Variants in CPLANE1 observed in about 807,000 individuals in gnomAD.
CPLANE1 encodes the protein ciliogenesis and planar polarity effector complex subunit 1.
CPLANE1 carries 263 observed loss-of-function variants against 362.5 expected under a neutral mutation model. The observed-to-expected ratio is 0.73, with a 90% confidence interval of 0.66 to 0.80. The LOEUF (loss-of-function observed/expected upper bound fraction) is 0.80, where lower values mean the gene tolerates loss of function less well. Ranked by LOEUF, CPLANE1 falls within the 30% of genes least tolerant of loss-of-function variation. The pLI, the probability that CPLANE1 is intolerant of heterozygous loss-of-function variation, is 0.00. For synonymous variants in CPLANE1, 1,212 were observed against 1,302.6 expected (o/e 0.93, Z 1.50); for missense variants, 3,461 against 3,793.4 (o/e 0.91, Z 2.30).
intron 8 of CPLANE1, among the ~76,000 whole-genome samples, chr5:37,232,510 C>G (rs1186360479): frequency 1.4e-5 from 2 of 143,764 alleles, no homozygotes; most frequent in African/African-American, 5.2e-5. Flanking sequence ...GAGCAAGACT[C>G]CATCTTGGGG....
chr5:37,114,509 A>G (rs1363897229), intron 51 of CPLANE1, among the ~76,000 whole-genome samples: 1 of 152,156 alleles, frequency 6.6e-6, no homozygotes, highest in Non-Finnish European at 1.5e-5. Context: ...CCATAAAGCT[A>G]CTCCAAAACT....
intron 4 of CPLANE1, among the ~76,000 whole-genome samples, chr5:37,244,862 A>G (rs1738975851): frequency 6.6e-6 from 1 of 152,078 alleles, no homozygotes; most frequent in South Asian, 2.1e-4. Context: ...TGATCATGCC[A>G]CTATACTTCA....
intron 46 of CPLANE1, among the ~76,000 whole-genome samples, chr5:37,133,011 A>G (rs777760567): frequency 1.4e-4 from 22 of 151,996 alleles, no homozygotes; most frequent in Non-Finnish European, 2.9e-5. Flanking sequence ...CTCTCTCACA[A>G]CCTTTATAGG....
intron 44 of CPLANE1, chr5:37,140,124 A>T: frequency 1.2e-5 from 11 of 886,874 alleles, no homozygotes; most frequent in Non-Finnish European, 1.5e-5. Flanking sequence ...AGAGAAAAAC[A>T]CTTAATCTAT....
intron 31 of CPLANE1, among the ~76,000 whole-genome samples, chr5:37,175,704 C>T (rs1780980313): frequency 6.6e-6 from 1 of 152,164 alleles, no homozygotes; most frequent in African/African-American, 2.4e-5. Context: ...CTTTAAAATA[C>T]AATCGCTAGT....
intron 50 of CPLANE1, 30 bp downstream of exon 50, chr5:37,120,186 G>A (rs200628002): frequency 2.1e-4 from 333 of 1,586,288 alleles, no homozygotes; most frequent in Admixed American, 3.9e-4. Flanking sequence ...GTCCAAATCA[G>A]ACAATTTATA....
chr5:37,170,339 A>G lies in CPLANE1; in HGVS notation c.6172-8T>C, dbSNP rs965319176. The stretch of plus-strand genomic sequence containing the variant: ...GAAGTTGATCTGTTGCAGCTTGAAT[A>G]AAACAAAAATTGAAGCGATATCTTA... On this transcript the variant is annotated splice_polypyrimidine_tract_variant and splice_region_variant and intron_variant, in intron 32 of 52. Coordinates refer to ENST00000651892, the MANE Select transcript of CPLANE1 (RefSeq NM_001384732.1). 5.6e-6 allele frequency: 9 copies of G among 1,597,962 alleles called. No individual in the cohort carries two copies. In the African/African-American group the frequency reaches 1.2e-4, roughly 22 times the overall value.
intron 49 of CPLANE1, among the ~76,000 whole-genome samples, chr5:37,120,702 C>T: frequency 6.6e-6 from 1 of 152,208 alleles, no homozygotes. Flanking sequence ...TCTCATACCT[C>T]AAACCTCATT....
At chr5:37,187,060 CAAAAAAAAA>C (rs61112118) in intron 23 of CPLANE1, among the ~76,000 whole-genome samples, 7 of 50,396 alleles carry the variant, frequency 1.4e-4, no homozygotes, top group African/African-American at 6.4e-4. Flanking sequence ...GACTCCGTCT[CAAAAAAAAA>C]AAAAAAAAAA....
At chr5:37,232,882 A>T (rs1157259775) in intron 8 of CPLANE1, among the ~76,000 whole-genome samples, 1 of 151,376 alleles carries the variant, frequency 6.6e-6, no homozygotes, top group Non-Finnish European at 1.5e-5. Context: ...TCAGCTCAAG[A>T]TAGCTGACTA....
chr5:37,205,014 G>A (rs761812537), intron 18 of CPLANE1, among the ~76,000 whole-genome samples: 3 of 152,254 alleles, frequency 2.0e-5, no homozygotes, highest in South Asian at 2.1e-4. Flanking sequence ...AAAATTAGCC[G>A]GACGTGGTGG....
chr5:37,237,795 A>G (rs1799351940), intron 8 of CPLANE1, among the ~76,000 whole-genome samples: 1 of 152,146 alleles, frequency 6.6e-6, no homozygotes, highest in East Asian at 1.9e-4. Flanking sequence ...GCTTGCAGTT[A>G]GCCGAGATCA....
chr5:37,081,674 T>A, the CPLANE1 span, among the ~76,000 whole-genome samples: 1 of 151,804 alleles, frequency 6.6e-6, no homozygotes, highest in African/African-American at 2.4e-5. Context: ...GAAAAAAAAG[T>A]TTTTTAAGAA....
chr5:37,211,379 T>C (rs1792552617), intron 16 of CPLANE1: 3 of 1,518,320 alleles, frequency 2.0e-6, no homozygotes, highest in Non-Finnish European at 2.6e-6. Flanking sequence ...GCCCACCATC[T>C]CTGCACTTGC....
chr5:37,139,522 CT>C, intron 44 of CPLANE1, 152 bp from the exon 45 acceptor site: 1 of 1,140,080 alleles, frequency 8.8e-7, no homozygotes, highest in East Asian at 3.9e-5. Flanking sequence ...CATATTTATC[CT>C]CTTCCTGAAT....
chr5:37,105,786 C>T (rs756011107), downstream of CPLANE1, among the ~76,000 whole-genome samples: 4 of 151,936 alleles, frequency 2.6e-5, no homozygotes, highest in Non-Finnish European at 2.9e-5. Flanking sequence ...GATTAATAAC[C>T]GCAATATATA....
At chr5:37,193,242 G>A (rs1468841358) in intron 21 of CPLANE1, among the ~76,000 whole-genome samples, 1 of 152,148 alleles carries the variant, frequency 6.6e-6, no homozygotes, top group Non-Finnish European at 1.5e-5. Context: ...TTGTACTTAT[G>A]ATGTACTCAG....
intron 8 of CPLANE1, among the ~76,000 whole-genome samples, chr5:37,237,747 G>A (rs925291788): frequency 2.6e-5 from 4 of 152,230 alleles, no homozygotes; most frequent in African/African-American, 9.6e-5. Context: ...CTACGCGGGA[G>A]GCTGAGGCAG....
chr5:37,208,390 C>T (rs1311185879), intron 16 of CPLANE1, among the ~76,000 whole-genome samples: 1 of 152,192 alleles, frequency 6.6e-6, no homozygotes, highest in Non-Finnish European at 1.5e-5. Flanking sequence ...AAGAGTTCGG[C>T]TTAGAGGCCG....
Sources: allele counts gnomAD v4.1 joint callset (sites outside exome capture counted in the v4.1 genomes callset), GRCh38; gene constraint gnomAD v4.1.1; transcripts MANE v1.5; gene names NCBI Gene and HGNC (gene_info 2026-07-23, HGNC 2026-07-21).